The following PSMC1 variants were observed in gnomAD, a reference collection of about 807,000 sequenced individuals.
The protein encoded by PSMC1 is 26S proteasome regulatory subunit 4.
Under a neutral mutation model 49.8 loss-of-function variants are expected in PSMC1, and 5 were observed. The observed-to-expected ratio is 0.10, with a 90% CI of 0.05 to 0.21. The LOEUF (loss-of-function observed/expected upper bound fraction) is 0.21. Among genes scored for constraint, PSMC1 ranks in the 10% least tolerant of loss-of-function variants. The probability of loss-of-function intolerance (pLI) is 1.00; values close to 1 mark genes in which losing one functional copy is unlikely to be tolerated. For missense variants in PSMC1, 181 were observed against 535.7 expected (o/e 0.34, Z 6.54); for synonymous variants, 155 against 192.1 (o/e 0.81, Z 1.60).
chr14:90,265,092 C>T lies in PSMC1; in HGVS notation c.617C>T (p.Thr206Ile), dbSNP rs749395699. ...EIKESVELPL[T>I]HPEYYEEMGI... is the part of the protein sequence containing the mutation. ...TAGGAATCTGTGGAGCTTCCTCTCA[C>T]CCATCCTGAATATTATGAAGAGATG... Residue 206 changes from threonine (T) to isoleucine (I), a missense_variant, in exon 7 of 11, where the codon ACC becomes ATC. Thr to Ile is a moderately conservative substitution (Grantham distance 89, BLOSUM62 -1). Transcript: ENST00000261303. 1.1e-5 allele frequency: 18 copies of T among 1,612,182 alleles called. No individual in the cohort carries two copies. The highest frequency in any genetic ancestry group is 1.2e-5 in the Non-Finnish European group (14 of 1,178,798).
rs1401375991 is a variant in PSMC1 at position 90,274,832 on chromosome 14, A to ACCC, written c.*2426_*2427insCCC. On this transcript the variant is annotated 3_prime_UTR_variant, in exon 11 of 11. Coordinates refer to ENST00000261303, the MANE Select transcript of PSMC1 (RefSeq NM_002802.3). The stretch of plus-strand genomic sequence containing the variant: ...CACACACACACACACACACACACAC[A>ACCC]CACACACCCCAATACATATGAATTG... The ACCC allele has an allele frequency of 4.6e-5, 3 of 64,608 alleles. No individual in the cohort carries two copies. The highest frequency in any genetic ancestry group is 4.0e-4 in the South Asian group (1 of 2,522). The allele number at this position is 64,608 out of a possible 1,614,324, so 4.0% of individuals were successfully genotyped here. A position where few individuals can be genotyped will look rare whatever the true frequency, so the allele number is the denominator to read the frequency against.
chr14:90,265,656 T>C (rs1450641120), intron 7 of PSMC1, among the ~76,000 whole-genome samples: 1 of 138,274 alleles, frequency 7.2e-6, no homozygotes, highest in Non-Finnish European at 1.5e-5. Flanking sequence ...GCCACTGCAC[T>C]CCAGCCTGGG....
rs1891705368 is a variant in PSMC1, at chr14:90,272,866, T to C, written c.*459T>C. 6.5e-6 allele frequency: 1 copy of C among 153,134 alleles called. No homozygotes were observed. Among genetic ancestry groups the C allele is most frequent in the South Asian group, 2.0e-4 (1 of 4,942 alleles). 9.5% of individuals were successfully genotyped at this position (153,134 alleles called of 1,614,324 possible). On this transcript the variant is annotated 3_prime_UTR_variant, in exon 11 of 11. Coordinates refer to ENST00000261303, the MANE Select transcript of PSMC1 (RefSeq NM_002802.3). The surrounding 1 kb of genome is among the most constrained non-coding windows in gnomAD (Gnocchi z 4.5). ...TTAAATAATAAAGGCTGCGTTAATG[T>C]GGCTATTGCTTCCAAAGGAAGTACA... is the stretch of plus-strand genomic sequence containing the variant.
intron 1 of PSMC1, among the ~76,000 whole-genome samples, chr14:90,258,611 A>G (rs1021922294): frequency 2.4e-4 from 37 of 152,340 alleles, no homozygotes; most frequent in African/African-American, 8.9e-4. Flanking sequence ...GATTGAGAAG[A>G]AAGACCTGCC....
chr14:90,257,118 C>A (rs1362592007), intron 1 of PSMC1, among the ~76,000 whole-genome samples: 2 of 152,064 alleles, frequency 1.3e-5, no homozygotes, highest in Admixed American at 6.6e-5. Flanking sequence ...GGAGCTAAGA[C>A]GGAAAGGGCC....
At chr14:90,269,376 T>C (rs1566675250) in intron 8 of PSMC1, 21 bp from the exon 9 acceptor site, 1 of 1,557,108 alleles carries the variant, frequency 6.4e-7, no homozygotes, top group Non-Finnish European at 8.7e-7. Flanking sequence ...CTTCATTCCT[T>C]CCCTTTTTTT....
At chr14:90,264,001 A>C (rs1233491937) in intron 5 of PSMC1, 40 bp from the exon 6 acceptor site, 15 of 1,589,362 alleles carry the variant, frequency 9.4e-6, no homozygotes, top group Middle Eastern at 1.7e-4. Flanking sequence ...GATCCAGCAA[A>C]CCTCACGTTC....
rs918587428 is a variant in PSMC1, at chr14:90,272,193, C to T, written c.1189-80C>T. On this transcript the variant is annotated intron_variant, in intron 10 of 10. Transcript: ENST00000261303. This position sits in a 1 kb window ranked among gnomAD's most constrained non-coding sequence, Gnocchi z 4.5. ...ACAGGTGTGAGCCACCGCGCCTGGC[C>T]TCAGAATAGGTTTTTTGGAATTCCT... 3.9e-6 allele frequency: 6 copies of T among 1,544,658 alleles called. No individual in the cohort carries two copies. The highest frequency in any genetic ancestry group is 5.3e-6 in the Non-Finnish European group (6 of 1,141,476).
chr14:90,264,094 G>A lies in PSMC1; in HGVS notation c.519G>A (p.Val173=). 1 of 1,613,490 alleles carries A rather than the reference G, an allele frequency of 6.2e-7. No homozygotes were observed. Among genetic ancestry groups the A allele is most frequent in the South Asian group, 1.1e-5 (1 of 91,040 alleles). ...ATGACACGGATCCCCTGGTCACAGT[G>A]ATGAAGGTAGAAAAGGCCCCCCAGG... The part of the protein sequence containing the change: ...LMDDTDPLVT[V]MKVEKAPQET... The change falls in exon 6 of 11, where the codon GTG becomes GTA. Residue 173 remains valine, a synonymous_variant. Coordinates refer to ENST00000261303, the MANE Select transcript of PSMC1 (RefSeq NM_002802.3).
At chr14:90,268,512 C>T in intron 8 of PSMC1, 99 bp downstream of exon 8, 1 of 1,223,260 alleles carries the variant, frequency 8.2e-7, no homozygotes, top group Non-Finnish European at 1.2e-6. Context: ...CCTATGGCCA[C>T]AGTTCTTGCT....
At chr14:90,268,179 C>T in intron 7 of PSMC1, 45 bp from the exon 8 acceptor site, 1 of 1,453,274 alleles carries the variant, frequency 6.9e-7, no homozygotes, top group Non-Finnish European at 9.2e-7. Context: ...GTTAAAATGG[C>T]ACTTAAGGTG....
At chr14:90,256,668 G>C in intron 1 of PSMC1, 68 bp downstream of exon 1, 5 of 1,559,016 alleles carry the variant, frequency 3.2e-6, no homozygotes, top group Non-Finnish European at 4.3e-6. Context: ...CCTGAGGCGA[G>C]AGAAAGAGGC....
chr14:90,262,229 A>AT (rs1891414060), intron 3 of PSMC1, among the ~76,000 whole-genome samples: 1 of 150,494 alleles, frequency 6.6e-6, no homozygotes, highest in Non-Finnish European at 1.5e-5. Flanking sequence ...GCACACCAAC[A>AT]TGGCACATGT....
rs916950693 is a variant in PSMC1, at chr14:90,273,790, T to C, written c.*1383T>C. On this transcript the variant is annotated 3_prime_UTR_variant, in exon 11 of 11. Coordinates refer to ENST00000261303, the MANE Select transcript of PSMC1 (RefSeq NM_002802.3). ...TCCTTGCTGGCTGCCAGCTGAGGCC[T>C]TTGCCAGTCTGTGAAGGCCACCCTC... 5 of 154,610 alleles carry C rather than the reference T, an allele frequency of 3.2e-5. No individual in the cohort carries two copies. Among genetic ancestry groups the C allele is most frequent in the African/African-American group, 1.2e-4 (5 of 41,496 alleles). The allele number at this position is 154,610 out of a possible 1,614,324, so 9.6% of individuals were successfully genotyped here.
chr14:90,268,196 T>C, intron 7 of PSMC1, 28 bp from the exon 8 acceptor site: 1 of 1,539,122 alleles, frequency 6.5e-7, no homozygotes, highest in Middle Eastern at 2.3e-4. Flanking sequence ...GGTGTCTTTT[T>C]TTTTTTTATC....
intron 9 of PSMC1, 73 bp downstream of exon 9, chr14:90,269,621 C>A: frequency 2.7e-6 from 4 of 1,495,336 alleles, no homozygotes; most frequent in South Asian, 2.6e-5. Flanking sequence ...CTTTGGGAGG[C>A]CTATAAAATG....
chr14:90,260,021 C>A, intron 2 of PSMC1, 94 bp from the exon 3 acceptor site: 3 of 697,962 alleles, frequency 4.3e-6, no homozygotes, highest in South Asian at 2.3e-5. Flanking sequence ...AAAATTGTAC[C>A]ACCTGAAAAT....
At chr14:90,256,636 C>G in intron 1 of PSMC1, 36 bp downstream of exon 1, 1 of 1,580,934 alleles carries the variant, frequency 6.3e-7, no homozygotes, top group Non-Finnish European at 8.6e-7. Flanking sequence ...CTGGTCGTCG[C>G]GGTGCGATGG....
At chr14:90,259,747 G>A (rs571303906) in intron 2 of PSMC1, among the ~76,000 whole-genome samples, 4 of 152,004 alleles carry the variant, frequency 2.6e-5, no homozygotes, top group Admixed American at 6.6e-5. Context: ...TCAGCCTCCC[G>A]AGTAGCTGGG....
Sources: gnomAD v4.1 joint callset for allele counts (sites outside exome capture counted in the v4.1 genomes callset) on GRCh38, gnomAD v4.1.1 for gene constraint, Gnocchi (gnomAD v3.1) non-coding constraint, MANE v1.5 for transcripts, NCBI Gene and HGNC (gene_info 2026-07-23, HGNC 2026-07-21) for gene names.